Variants in USP6NL observed in about 807,000 individuals in gnomAD.
The protein encoded by USP6NL is USP6 N-terminal like, also known as USP6 N-terminal-like protein.
In USP6NL, 26 loss-of-function variants were observed where a neutral mutation model predicts 61.9. That is an observed-to-expected ratio of 0.42 (90% CI 0.31 to 0.58). The LOEUF (loss-of-function observed/expected upper bound fraction) is 0.58. USP6NL is among the 20% of genes least tolerant of loss of function. The probability of loss-of-function intolerance (pLI) is 0.16; values close to 1 mark genes in which losing one functional copy is unlikely to be tolerated. For synonymous variants in USP6NL, 432 were observed against 390.1 expected (o/e 1.11, Z -1.27); for missense variants, 1,114 against 1,034.3 (o/e 1.08, Z -1.06).
chr10:11,533,575 G>C (rs1176877263), intron 2 of USP6NL, among the ~76,000 whole-genome samples: 1 of 152,148 alleles, frequency 6.6e-6, no homozygotes, highest in Non-Finnish European at 1.5e-5. Context: ...GTGGAAGCAA[G>C]ACATCACCAG....
At position 11,548,483 on chromosome 10, in the gene USP6NL, C is replaced by T. The variant is rs1836364328; in HGVS notation, c.5-20916G>A. On this transcript the variant is annotated intron_variant, in intron 2 of 14. Transcript: ENST00000609104. This position sits in a 1 kb window ranked among gnomAD's most constrained non-coding sequence, Gnocchi z 4.3. ...TATTATTTTTAATTAACTCATTTTC[C>T]ATTTTGGTCCATGACTATCCTATAA... Among the ~76,000 whole-genome samples, 1 of 152,124 alleles carries T rather than the reference C, an allele frequency of 6.6e-6. No homozygotes were observed.
chr10:11,576,312 G>C (rs1837544338), intron 2 of USP6NL, among the ~76,000 whole-genome samples: 1 of 152,154 alleles, frequency 6.6e-6, no homozygotes, highest in Non-Finnish European at 1.5e-5. Context: ...CAACATAGGT[G>C]GATCTTCTCA....
chr10:11,571,195 T>C (rs1018679447), intron 2 of USP6NL, among the ~76,000 whole-genome samples: 3 of 152,010 alleles, frequency 2.0e-5, no homozygotes, highest in Non-Finnish European at 4.4e-5. Context: ...GCGATTCTCC[T>C]GCCTCAGCCT....
chr10:11,483,090 A>G (rs1833273385), intron 13 of USP6NL, among the ~76,000 whole-genome samples: 1 of 152,148 alleles, frequency 6.6e-6, no homozygotes, highest in Non-Finnish European at 1.5e-5. Flanking sequence ...GCTTACTCCT[A>G]CTGTCTAACT....
At chr10:11,484,548 C>T (rs1431385613) in intron 13 of USP6NL, among the ~76,000 whole-genome samples, 1 of 152,112 alleles carries the variant, frequency 6.6e-6, no homozygotes, top group Admixed American at 6.5e-5. Context: ...ATGAAGGAAA[C>T]AGTAATAGAA....
chr10:11,476,880 T>C lies in USP6NL; in HGVS notation c.1078+4890A>G, dbSNP rs922548616. ...AAGCATTTGACTTTTTTTATTATTA[T>C]TATTTTTTCAAGACGGAGTCTTGCT... On this transcript the variant is annotated intron_variant, in intron 14 of 14. Coordinates refer to ENST00000609104, the MANE Select transcript of USP6NL (RefSeq NM_014688.5). The surrounding 1 kb of genome is among the most constrained non-coding windows in gnomAD (Gnocchi z 4.3). 6.7e-6 allele frequency among the ~76,000 whole-genome samples: 1 copy of C among 148,558 alleles called. No individual in the cohort carries two copies. Among genetic ancestry groups the C allele is most frequent in the African/African-American group, 2.4e-5 (1 of 41,290 alleles).
intron 2 of USP6NL, among the ~76,000 whole-genome samples, chr10:11,567,324 A>C (rs1837198771): frequency 6.6e-6 from 1 of 152,092 alleles, no homozygotes; most frequent in Admixed American, 6.6e-5. Context: ...TACTTCAAAA[A>C]CTCCTTTCCA....
intron 8 of USP6NL, among the ~76,000 whole-genome samples, chr10:11,492,710 G>C (rs139789911): frequency 6.6e-6 from 1 of 152,292 alleles, no homozygotes; most frequent in African/African-American, 2.4e-5. Flanking sequence ...AGTTGTCATA[G>C]CAATGATGTA....
intron 5 of USP6NL, among the ~76,000 whole-genome samples, chr10:11,514,071 T>C (rs1834847936): frequency 1.3e-5 from 2 of 152,272 alleles, no homozygotes; most frequent in African/African-American, 4.8e-5. Flanking sequence ...AGTTTCATCA[T>C]TCAGTAAAGG....
chr10:11,485,847 G>C lies in USP6NL; in HGVS notation c.729C>G (p.Asn243Lys). 6.4e-7 allele frequency: 1 copy of C among 1,556,246 alleles called. No individual in the cohort carries two copies. The highest frequency in any genetic ancestry group is 1.4e-5 in the African/African-American group (1 of 73,586). ...RFQEHHEKIL[N>K]KFLSKLKQHL... Reference sequence around the variant, plus strand: ...GTTGCTTAAGCTTGGACAGAAATTTGTTCAGTATTTTTTCATGATGTTCTT... The same window carrying C: ...GTTGCTTAAGCTTGGACAGAAATTTCTTCAGTATTTTTTCATGATGTTCTT... Residue 243 changes from asparagine (N) to lysine (K), a missense_variant, in exon 11 of 15, where the codon AAC (asparagine) becomes AAG (lysine). Physicochemically the swap from Asn to Lys is moderately conservative, Grantham distance 94. Transcript: ENST00000609104. This position sits in a 1 kb window ranked among gnomAD's most constrained non-coding sequence, Gnocchi z 4.8.
intron 2 of USP6NL, among the ~76,000 whole-genome samples, chr10:11,578,950 T>C (rs1364905588): frequency 1.3e-5 from 2 of 152,208 alleles, no homozygotes; most frequent in Non-Finnish European, 2.9e-5. Flanking sequence ...TGGGTGTTTT[T>C]ATACCACAGA....
intron 14 of USP6NL, among the ~76,000 whole-genome samples, chr10:11,477,486 C>A (rs1272990911): frequency 1.3e-5 from 2 of 151,962 alleles, no homozygotes; most frequent in Non-Finnish European, 2.9e-5. Context: ...AAACATTAAC[C>A]CCCAAAACAA....
intron 2 of USP6NL, among the ~76,000 whole-genome samples, chr10:11,568,770 G>A (rs1837258994): frequency 6.6e-6 from 1 of 152,150 alleles, no homozygotes; most frequent in Non-Finnish European, 1.5e-5. Context: ...GTCACATCAT[G>A]GCTGCCATTA....
At chr10:11,581,117 G>A (rs1216968409) in intron 2 of USP6NL, among the ~76,000 whole-genome samples, 1 of 151,762 alleles carries the variant, frequency 6.6e-6, no homozygotes, top group African/African-American at 2.4e-5. Flanking sequence ...ATCTCTAATA[G>A]TTTTTCTTAT....
At chr10:11,484,880 CAATG>C (rs1833390726) in intron 13 of USP6NL, 87 bp downstream of exon 13, 3 of 984,128 alleles carry the variant, frequency 3.0e-6, no homozygotes, top group Non-Finnish European at 2.9e-6. Context: ...TATTAAAAGA[CAATG>C]AAGTTGAAGT....
At chr10:11,606,792 TTTC>T (rs1209407150) in intron 1 of USP6NL, among the ~76,000 whole-genome samples, 1 of 152,042 alleles carries the variant, frequency 6.6e-6, no homozygotes, top group Non-Finnish European at 1.5e-5. Flanking sequence ...TTTGAAATTT[TTTC>T]TTTTTTTTTT....
intron 2 of USP6NL, chr10:11,573,945 C>G (rs1320363218): frequency 3.1e-6 from 1 of 320,448 alleles, no homozygotes; most frequent in African/African-American, 2.1e-5. Flanking sequence ...AAATGTATTA[C>G]TATGCACAGC....
chr10:11,581,934 G>A (rs1170396481), intron 2 of USP6NL, among the ~76,000 whole-genome samples: 2 of 151,980 alleles, frequency 1.3e-5, no homozygotes, highest in African/African-American at 2.4e-5. Context: ...CACCACGCCG[G>A]GCTAATTTTT....
chr10:11,568,181 G>A (rs190710680), intron 2 of USP6NL, among the ~76,000 whole-genome samples: 128 of 152,126 alleles, frequency 8.4e-4, no homozygotes, highest in African/African-American at 2.8e-3. Context: ...GTGTGCGCGC[G>A]CGCGTGCTTG....
Sources: gnomAD v4.1 joint callset for allele counts (sites outside exome capture counted in the v4.1 genomes callset) on GRCh38, gnomAD v4.1.1 for gene constraint, Gnocchi (gnomAD v3.1) non-coding constraint, MANE v1.5 for transcripts, NCBI Gene and HGNC (gene_info 2026-07-23, HGNC 2026-07-21) for gene names.